CLIC5: variants seen among roughly 807,000 people sequenced by gnomAD.
The protein encoded by CLIC5 is CLIC family member 5.
Under a neutral mutation model 24.7 loss-of-function variants are expected in CLIC5, and 20 were observed. That is an observed-to-expected ratio of 0.81 (90% CI 0.57 to 1.18). The LOEUF (loss-of-function observed/expected upper bound fraction) is 1.18, where lower values mean the gene tolerates loss of function less well. Ranked by LOEUF, CLIC5 falls within the 50% of genes most tolerant of loss-of-function variation. The probability of loss-of-function intolerance (pLI) is 0.00; values close to 1 mark genes in which losing one functional copy is unlikely to be tolerated. For missense variants in CLIC5, 341 were observed against 326.1 expected (o/e 1.05, Z -0.35); for synonymous variants, 159 against 135.6 (o/e 1.17, Z -1.20).
chr6:46,015,330 G>C, intron 1 of CLIC5, 150 bp downstream of exon 1: 2 of 695,594 alleles, frequency 2.9e-6, no homozygotes, highest in Middle Eastern at 4.6e-4. Flanking sequence ...GCCTCGCAGC[G>C]GGGCGCTGGC....
intron 1 of CLIC5, among the ~76,000 whole-genome samples, chr6:45,981,251 G>GA (rs1177938572): frequency 6.6e-6 from 1 of 151,914 alleles, no homozygotes; most frequent in African/African-American, 2.4e-5. Flanking sequence ...TTACAGGCAT[G>GA]AGCCACCGCA....
chr6:45,885,301 G>A (rs552796970), intron 6 of CLIC5, among the ~76,000 whole-genome samples: 8 of 152,264 alleles, frequency 5.3e-5, no homozygotes, highest in Non-Finnish European at 7.4e-5. Flanking sequence ...ACCTGGAAGA[G>A]GTTATCACCG....
chr6:46,040,952 A>G (rs1019298060), intron 1 of CLIC5, among the ~76,000 whole-genome samples: 1 of 152,248 alleles, frequency 6.6e-6, no homozygotes, highest in African/African-American at 2.4e-5. Flanking sequence ...GGGAACATAC[A>G]TAAAAAAATC....
chr6:46,125,726 T>C, the CLIC5 span, among the ~76,000 whole-genome samples: 2 of 152,136 alleles, frequency 1.3e-5, no homozygotes. Context: ...GGACTCCAGC[T>C]CTTGGCTTTG....
At chr6:46,058,172 C>A (rs1161169620) in intron 1 of CLIC5, among the ~76,000 whole-genome samples, 1 of 152,024 alleles carries the variant, frequency 6.6e-6, no homozygotes, top group East Asian at 1.9e-4. Flanking sequence ...ATTTCAATAC[C>A]TAGCAGAAAA....
At chr6:45,919,667 GT>G (rs1173473229) in intron 4 of CLIC5, among the ~76,000 whole-genome samples, 1 of 152,180 alleles carries the variant, frequency 6.6e-6, no homozygotes, top group Non-Finnish European at 1.5e-5. Context: ...TCCAGGCAGG[GT>G]TTTTGATGGG....
At chr6:46,009,015 C>A (rs1766702335) in intron 1 of CLIC5, among the ~76,000 whole-genome samples, 1 of 152,052 alleles carries the variant, frequency 6.6e-6, no homozygotes, top group Admixed American at 6.5e-5. Context: ...GATGCCTGGG[C>A]CTCACCCCAC....
intron 1 of CLIC5, among the ~76,000 whole-genome samples, chr6:45,985,377 C>T (rs1024678515): frequency 3.3e-5 from 5 of 152,202 alleles, no homozygotes; most frequent in African/African-American, 1.2e-4. Flanking sequence ...TTTAGTACAG[C>T]AGAGCAGGAA....
At chr6:46,116,447 C>G in the CLIC5 span, among the ~76,000 whole-genome samples, 5 of 152,278 alleles carry the variant, frequency 3.3e-5, no homozygotes, top group African/African-American at 1.2e-4. Flanking sequence ...GGGCCAATGT[C>G]TCGAGCTATT....
chr6:45,966,685 A>G (rs981028294), intron 1 of CLIC5, among the ~76,000 whole-genome samples: 1 of 150,706 alleles, frequency 6.6e-6, no homozygotes, highest in Non-Finnish European at 1.5e-5. Context: ...TAAACTGGAA[A>G]CTCCTTCACA....
At chr6:45,969,425 G>A (rs1212977586) in intron 1 of CLIC5, among the ~76,000 whole-genome samples, 2 of 151,956 alleles carry the variant, frequency 1.3e-5, no homozygotes, top group Admixed American at 6.6e-5. Context: ...TTTTTGGAAG[G>A]CTGTCCCCAC....
rs548429387 is a variant in CLIC5 at position 46,059,299 on chromosome 6, C to T, written c.540+20404G>A. Among the ~76,000 whole-genome samples the T allele has an allele frequency of 9.2e-5, 14 of 152,300 alleles. No individual in the cohort carries two copies. The South Asian group carries it at 1.0e-3, about 11-fold the overall frequency. On this transcript the variant is annotated intron_variant, in intron 1 of 5. Transcript: ENST00000185206. ...GTCAAGACCAAGGCCACATTGCATA[C>T]GGTTGTACACAAATTAGAAATATAA... is the stretch of plus-strand genomic sequence containing the variant.
intron 1 of CLIC5, among the ~76,000 whole-genome samples, chr6:45,996,529 TG>T (rs1332131917): frequency 6.6e-6 from 1 of 152,168 alleles, no homozygotes; most frequent in Admixed American, 6.5e-5. Flanking sequence ...TTGTATAAGG[TG>T]TAGGGAAGGG....
At chr6:45,939,685 G>C (rs927894902) in intron 4 of CLIC5, among the ~76,000 whole-genome samples, 2 of 152,066 alleles carry the variant, frequency 1.3e-5, no homozygotes, top group African/African-American at 4.8e-5. Context: ...CTTTCACCCA[G>C]GTTGGAGTAC....
chr6:46,110,734 A>C, the CLIC5 span, among the ~76,000 whole-genome samples: 9 of 152,184 alleles, frequency 5.9e-5, no homozygotes, highest in Non-Finnish European at 2.9e-5. Context: ...ATTCATGTGG[A>C]TATTACAAGC....
chr6:45,979,521 C>A (rs796271184), intron 1 of CLIC5, among the ~76,000 whole-genome samples: 1 of 152,226 alleles, frequency 6.6e-6, no homozygotes, highest in East Asian at 1.9e-4. Context: ...ACTCTTCCAG[C>A]CTTCTGCCTT....
chr6:45,984,227 G>T (rs913242568), intron 1 of CLIC5, among the ~76,000 whole-genome samples: 1 of 152,206 alleles, frequency 6.6e-6, no homozygotes, highest in Admixed American at 6.5e-5. Context: ...TCAGTGCATT[G>T]GTTCCTTGTG....
the CLIC5 span, among the ~76,000 whole-genome samples, chr6:46,092,260 A>G: frequency 6.6e-6 from 1 of 152,238 alleles, no homozygotes; most frequent in Non-Finnish European, 1.5e-5. Flanking sequence ...TTTTCACACT[A>G]TAATAACTCA....
chr6:46,014,553 A>G (rs910853300), intron 1 of CLIC5: 5 of 152,052 alleles, frequency 3.3e-5, no homozygotes, highest in African/African-American at 1.2e-4. Context: ...CCCCTCCCCC[A>G]AGTCCTGGCG....
Sources: allele counts gnomAD v4.1 joint callset (sites outside exome capture counted in the v4.1 genomes callset), GRCh38; gene constraint gnomAD v4.1.1; transcripts MANE v1.5; gene names NCBI Gene and HGNC (gene_info 2026-07-23, HGNC 2026-07-21).